Variants in SOX5 observed in about 807,000 individuals in gnomAD.
The protein encoded by SOX5 is transcription factor SOX-5.
Under a neutral mutation model 92.0 loss-of-function variants are expected in SOX5, and 9 were observed. That is an observed-to-expected ratio of 0.10 (90% CI 0.06 to 0.17). The LOEUF is 0.17. Ranked by LOEUF, SOX5 falls within the 10% of genes least tolerant of loss-of-function variation. SOX5 has a pLI of 1.00. For synonymous variants in SOX5, 344 were observed against 336.3 expected (o/e 1.02, Z -0.25); for missense variants, 642 against 944.5 (o/e 0.68, Z 4.20).
intron 3 of SOX5, among the ~76,000 whole-genome samples, chr12:24,245,785 T>C (rs1295223637): frequency 3.9e-5 from 6 of 152,058 alleles, no homozygotes; most frequent in Non-Finnish European, 8.8e-5. Context: ...ATATATCACA[T>C]AGAGAATATA....
intron 1 of SOX5, among the ~76,000 whole-genome samples, chr12:24,526,955 C>T (rs888345184): frequency 1.3e-5 from 2 of 151,954 alleles, no homozygotes; most frequent in Admixed American, 1.3e-4. Context: ...AGTAGCTGGG[C>T]CTACAGAGGT....
At chr12:23,885,353 T>C (rs895693646) in intron 2 of SOX5, among the ~76,000 whole-genome samples, 2 of 152,242 alleles carry the variant, frequency 1.3e-5, no homozygotes, top group African/African-American at 4.8e-5. Context: ...CCTATCATCT[T>C]TTTCATATCC....
chr12:23,895,557 T>C (rs921001451), intron 2 of SOX5, among the ~76,000 whole-genome samples: 1 of 152,198 alleles, frequency 6.6e-6, no homozygotes, highest in African/African-American at 2.4e-5. Context: ...CCCCTCTAAT[T>C]AAATTGTAAG....
chr12:24,330,603 T>C (rs1951194620), intron 2 of SOX5, among the ~76,000 whole-genome samples: 1 of 152,222 alleles, frequency 6.6e-6, no homozygotes, highest in Non-Finnish European at 1.5e-5. Context: ...AAATTCTCTA[T>C]CTACCAGGCC....
At chr12:24,346,817 G>A (rs1261767829) in intron 2 of SOX5, among the ~76,000 whole-genome samples, 1 of 151,292 alleles carries the variant, frequency 6.6e-6, no homozygotes, top group East Asian at 2.0e-4. Flanking sequence ...TCATAGGTGG[G>A]AATTGAATAA....
At chr12:24,201,151 C>G (rs1957477294) in intron 4 of SOX5, among the ~76,000 whole-genome samples, 1 of 152,126 alleles carries the variant, frequency 6.6e-6, no homozygotes, top group Non-Finnish European at 1.5e-5. Context: ...CCCAGAATCT[C>G]TCTGTTAAAT....
rs567024797 is a variant in SOX5, at chr12:23,604,458, G to A, written c.1093C>T (p.Leu365Phe). The stretch of plus-strand genomic sequence containing the variant: ...CTGGTAGGAGATACAGCAGCACCAA[G>A]GTTGCCTTGGGGTATGCCTGGCAGC... ...GKLPGIPQGN[L>F]GAAVSPTSIH... Residue 365 changes from leucine (L) to phenylalanine (F), a missense_variant, in exon 9 of 15, where the codon CTT (leucine) becomes TTT (phenylalanine). Leu to Phe is a conservative substitution (Grantham distance 22, BLOSUM62 0). Transcript: ENST00000451604. The A allele has an allele frequency of 1.2e-6, 2 of 1,613,872 alleles. No individual in the cohort carries two copies. The highest frequency in any genetic ancestry group is 1.3e-5 in the African/African-American group (1 of 75,036).
intron 1 of SOX5, among the ~76,000 whole-genome samples, chr12:24,475,844 TG>T (rs1945305267): frequency 6.6e-6 from 1 of 152,028 alleles, no homozygotes; most frequent in Admixed American, 6.6e-5. Context: ...TAGCCAGGCA[TG>T]GTAGCATGTG....
intron 3 of SOX5, among the ~76,000 whole-genome samples, chr12:23,812,077 T>C (rs2095884292): frequency 6.6e-6 from 1 of 152,108 alleles, no homozygotes; most frequent in Non-Finnish European, 1.5e-5. Context: ...TATTGGGATA[T>C]TTTTAAATCT....
intron 2 of SOX5, among the ~76,000 whole-genome samples, chr12:24,364,214 G>T (rs1362602523): frequency 6.6e-6 from 1 of 151,848 alleles, no homozygotes; most frequent in Non-Finnish European, 1.5e-5. Flanking sequence ...CTATGCTTTG[G>T]GGTTCTCAAT....
chr12:24,211,049 C>T (rs1253599427), intron 4 of SOX5, among the ~76,000 whole-genome samples: 1 of 152,150 alleles, frequency 6.6e-6, no homozygotes, highest in Non-Finnish European at 1.5e-5. Context: ...ACACCACTCA[C>T]CCTCCATAGC....
At chr12:23,705,515 G>T (rs908538292) in intron 6 of SOX5, among the ~76,000 whole-genome samples, 1 of 151,860 alleles carries the variant, frequency 6.6e-6, no homozygotes, top group East Asian at 1.9e-4. Context: ...ACACAGTAAG[G>T]CTGTCTTCTC....
intron 8 of SOX5, among the ~76,000 whole-genome samples, chr12:23,622,660 C>A (rs192202304): frequency 6.6e-6 from 1 of 152,030 alleles, no homozygotes; most frequent in South Asian, 2.1e-4. Context: ...ATCAACACTG[C>A]GTCAACTTAC....
intron 4 of SOX5, among the ~76,000 whole-genome samples, chr12:24,165,665 C>T (rs534578288): frequency 1.3e-5 from 2 of 152,204 alleles, no homozygotes; most frequent in East Asian, 3.9e-4. Context: ...CTGAGAAGGG[C>T]ATTCCAGGCA....
intron 11 of SOX5, among the ~76,000 whole-genome samples, chr12:23,554,050 T>C (rs962582228): frequency 1.1e-4 from 17 of 148,490 alleles, no homozygotes; most frequent in Non-Finnish European, 2.1e-4. Flanking sequence ...TATAGTTCTC[T>C]TTTCAACTAT....
intron 1 of SOX5, among the ~76,000 whole-genome samples, chr12:24,480,914 C>A (rs1359987069): frequency 6.6e-6 from 1 of 151,894 alleles, no homozygotes; most frequent in Non-Finnish European, 1.5e-5. Context: ...GGTATGTATC[C>A]AAAGGAAAGG....
At chr12:23,692,241 C>T (rs971510185) in intron 6 of SOX5, among the ~76,000 whole-genome samples, 31 of 151,386 alleles carry the variant, frequency 2.0e-4, no homozygotes, top group South Asian at 4.2e-4. Context: ...GAGACCAGCA[C>T]GGCCAACATA....
At chr12:23,855,068 AT>A (rs2096672218) in intron 2 of SOX5, among the ~76,000 whole-genome samples, 1 of 150,418 alleles carries the variant, frequency 6.6e-6, no homozygotes, top group African/African-American at 2.4e-5. Flanking sequence ...AAGAAAAAAA[AT>A]AGACCCTTTA....
intron 2 of SOX5, among the ~76,000 whole-genome samples, chr12:24,316,875 C>T (rs891675948): frequency 1.3e-5 from 2 of 151,972 alleles, no homozygotes; most frequent in Non-Finnish European, 2.9e-5. Flanking sequence ...CTGGTGGTAG[C>T]ACAAGATAAT....
Sources: allele counts gnomAD v4.1 joint callset (sites outside exome capture counted in the v4.1 genomes callset), GRCh38; gene constraint gnomAD v4.1.1; transcripts MANE v1.5; gene names NCBI Gene and HGNC (gene_info 2026-07-23, HGNC 2026-07-21).